The following R3HDM4 variants were observed in gnomAD, a reference collection of about 807,000 sequenced individuals.
R3HDM4 encodes the protein R3H domain-containing protein 4.
R3HDM4 carries 30 observed loss-of-function variants against 31.3 expected under a neutral mutation model. The ratio of observed to expected loss-of-function variants is 0.96; its 90% confidence interval spans 0.72 to 1.30. The LOEUF (loss-of-function observed/expected upper bound fraction) is 1.30, where lower values mean the gene tolerates loss of function less well. R3HDM4 is among the 50% of genes most tolerant of loss of function. The pLI, the probability that R3HDM4 is intolerant of heterozygous loss-of-function variation, is 0.00. For missense variants in R3HDM4, 444 were observed against 366.1 expected (o/e 1.21, Z -1.74); for synonymous variants, 196 against 156.6 (o/e 1.25, Z -1.88).
chr19:905,114 A>G (rs1180698890), intron 1 of R3HDM4, among the ~76,000 whole-genome samples: 1 of 151,950 alleles, frequency 6.6e-6, no homozygotes, highest in Non-Finnish European at 1.5e-5. Flanking sequence ...AGGCTGAGGC[A>G]GGAGAATTGC....
intron 1 of R3HDM4, among the ~76,000 whole-genome samples, chr19:908,468 G>A (rs112212297): frequency 0.064 from 9,662 of 151,716 alleles, 479 homozygotes; most frequent in African/African-American, 0.13. Context: ...AAATTATCTG[G>A]GCATAGTGGT....
chr19:912,779 G>T (rs1444934280), intron 1 of R3HDM4, among the ~76,000 whole-genome samples: 1 of 147,198 alleles, frequency 6.8e-6, no homozygotes, highest in African/African-American at 2.5e-5. Flanking sequence ...GGACCGGGGA[G>T]TAGGGGGCGG....
chr19:907,033 T>A lies in R3HDM4; in HGVS notation c.72-4903A>T, dbSNP rs371725820. ...GTTTCACCATGTTGGCAGGCTGGTCTTGAACTCCTGACCTTAAGTGATCCG... is the reference window on the plus strand; with the variant it reads ...GTTTCACCATGTTGGCAGGCTGGTCATGAACTCCTGACCTTAAGTGATCCG... On this transcript the variant is annotated intron_variant, in intron 1 of 7. Transcript: ENST00000361574. This position sits in a 1 kb window ranked among gnomAD's most constrained non-coding sequence, Gnocchi z 4.1. Among the ~76,000 whole-genome samples the A allele has an allele frequency of 6.6e-5, 10 of 152,186 alleles. No individual in the cohort carries two copies. In the East Asian group the frequency reaches 1.7e-3, roughly 27 times the overall value.
chr19:901,097 C>T (rs1417666323), intron 3 of R3HDM4, 145 bp from the exon 4 acceptor site: 4 of 1,104,694 alleles, frequency 3.6e-6, no homozygotes, highest in East Asian at 5.3e-5. Flanking sequence ...CTGCTTGTGT[C>T]GGGCCCTGAG....
chr19:910,876 T>G (rs1418910960), intron 1 of R3HDM4, among the ~76,000 whole-genome samples: 1 of 152,106 alleles, frequency 6.6e-6, no homozygotes, highest in African/African-American at 2.4e-5. Context: ...TCCCAGCACT[T>G]TGGGAGGCCA....
In R3HDM4 at chr19:896,998, G is replaced by A. The variant is rs537992907; in HGVS notation, c.*439C>T. On this transcript the variant is annotated 3_prime_UTR_variant, in exon 8 of 8. Coordinates refer to ENST00000361574, the MANE Select transcript of R3HDM4 (RefSeq NM_138774.4). The surrounding 1 kb of genome is among the most constrained non-coding windows in gnomAD (Gnocchi z 4.0). The stretch of plus-strand genomic sequence containing the variant: ...CTGGGAGGGGCTGAGCAGGGGCTGG[G>A]ACCAAGACCCATGTTTTACCAGTGG... 8 of 161,596 alleles carry A rather than the reference G, an allele frequency of 5.0e-5. No individual in the cohort carries two copies. Among genetic ancestry groups the A allele is most frequent in the African/African-American group, 1.7e-4 (7 of 41,698 alleles). 10.0% of individuals were successfully genotyped at this position (161,596 alleles called of 1,614,324 possible). A position where few individuals can be genotyped will look rare whatever the true frequency, so the allele number is the denominator to read the frequency against.
At position 900,111 on chromosome 19, in the gene R3HDM4, G is replaced by A. The variant is rs781175964; in HGVS notation, c.511C>T (p.Arg171Cys). ...PAYTPRECFQ[R>C]ISRRLRAVLK... Reference sequence around the variant, plus strand: ...ACGGCTCGCAGACGCCGGCTGATGCGCTGGAAGCACTCGCGGGGTGTATAG... The same window carrying A: ...ACGGCTCGCAGACGCCGGCTGATGCACTGGAAGCACTCGCGGGGTGTATAG... The change falls in exon 5 of 8, where the codon CGC (arginine) becomes TGC (cysteine). Residue 171 changes from arginine (R) to cysteine (C), a missense_variant. Physicochemically the swap from Arg to Cys is radical, Grantham distance 180. Transcript: ENST00000361574. 17 of 1,606,008 alleles carry A rather than the reference G, an allele frequency of 1.1e-5. No homozygotes were observed. Among genetic ancestry groups the A allele is most frequent in the East Asian group, 2.2e-5 (1 of 44,712 alleles).
chr19:902,147 G>A lies in R3HDM4; in HGVS notation c.72-17C>T, dbSNP rs752900667. On this transcript the variant is annotated splice_polypyrimidine_tract_variant and intron_variant, in intron 1 of 7. Coordinates refer to ENST00000361574, the MANE Select transcript of R3HDM4 (RefSeq NM_138774.4). ...GGAAGGGGCCTGTGGGCCGGGGCAG[G>A]GGTGGTCCTCAGGGTCAAGGCCGGC... The A allele has an allele frequency of 2.5e-5, 41 of 1,610,938 alleles. No individual in the cohort carries two copies. Among genetic ancestry groups the A allele is most frequent in the Admixed American group, 8.3e-5 (5 of 59,996 alleles).
In R3HDM4 at chr19:899,932, G is replaced by A. The variant is rs2036803262; in HGVS notation, c.561+129C>T. ...CCGCCCTCCTACTCAGGGCCCTGGT[G>A]CCGCTGTCTGTATCCTGCCCTGTTT... On this transcript the variant is annotated intron_variant, in intron 5 of 7. Coordinates refer to ENST00000361574, the MANE Select transcript of R3HDM4 (RefSeq NM_138774.4). The surrounding 1 kb of genome is among the most constrained non-coding windows in gnomAD (Gnocchi z 6.8). The A allele has an allele frequency of 6.9e-6, 7 of 1,007,622 alleles. No homozygotes were observed. Among genetic ancestry groups the A allele is most frequent in the South Asian group, 5.8e-5 (4 of 68,384 alleles). The allele number at this position is 1,007,622 out of a possible 1,614,324, so 62.4% of individuals were successfully genotyped here.
intron 1 of R3HDM4, among the ~76,000 whole-genome samples, chr19:908,712 A>G (rs1466619287): frequency 6.6e-6 from 1 of 152,050 alleles, no homozygotes; most frequent in Non-Finnish European, 1.5e-5. Context: ...TGCCTGATGC[A>G]CCTGCTCATT....
At position 897,054 on chromosome 19, in the gene R3HDM4, G is replaced by C. The variant is rs1358134613; in HGVS notation, c.*383C>G. 5.7e-6 allele frequency: 1 copy of C among 175,400 alleles called. No individual in the cohort carries two copies. The highest frequency in any genetic ancestry group is 1.2e-5 in the Non-Finnish European group (1 of 84,098). The allele number at this position is 175,400 out of a possible 1,614,324, so 10.9% of individuals were successfully genotyped here. On this transcript the variant is annotated 3_prime_UTR_variant, in exon 8 of 8. Transcript: ENST00000361574. ...GTTTTTTTGGTTTTTCTCTCCAAAA[G>C]GGAAATTTAAAAATCTACAACAAAT...
rs1242967247 is a variant in R3HDM4, at chr19:913,046, C to G, written c.71+41G>C. On this transcript the variant is annotated intron_variant, in intron 1 of 7. Transcript: ENST00000361574. This position sits in a 1 kb window ranked among gnomAD's most constrained non-coding sequence, Gnocchi z 5.0. The stretch of plus-strand genomic sequence containing the variant: ...AGGATCTCAGGGGAGGGAGCCCAGC[C>G]CGCCCCCGGCGCCCGCCGCGCCCCG... 1 of 831,406 alleles carries G rather than the reference C, an allele frequency of 1.2e-6. No individual in the cohort carries two copies. The highest frequency in any genetic ancestry group is 1.8e-5 in the African/African-American group (1 of 54,072). 51.5% of individuals were successfully genotyped at this position (831,406 alleles called of 1,614,324 possible).
chr19:902,569 A>G (rs879771229), intron 1 of R3HDM4: 6 of 166,882 alleles, frequency 3.6e-5, no homozygotes, highest in Non-Finnish European at 8.0e-5. Context: ...ACTTAAGTCC[A>G]GGAGGTCGAG....
Position 899,450 on chromosome 19 carries a change from G to A in R3HDM4, c.693C>T (p.Leu231=), listed in dbSNP as rs966062652. Residue 231 remains leucine (L), a synonymous_variant, in exon 7 of 8, where the codon CTC becomes CTT. Coordinates refer to ENST00000361574, the MANE Select transcript of R3HDM4 (RefSeq NM_138774.4). The surrounding 1 kb of genome is among the most constrained non-coding windows in gnomAD (Gnocchi z 6.8). ...GCCACCGGCACTTACTGGCCGAGAT[G>A]AGGTCCATGTACTGGCAGACAGCGT... ...LLHAVCQYMD[L]ISASADLEGK... 19 of 1,613,664 alleles carry A rather than the reference G, an allele frequency of 1.2e-5. No individual in the cohort carries two copies. The highest frequency in any genetic ancestry group is 1.6e-5 in the Non-Finnish European group (19 of 1,179,936).
rs558250783 is a variant in R3HDM4 at position 896,530 on chromosome 19, C to G, written c.*907G>C. Reference sequence around the variant, plus strand: ...CAGAGCACCAGAAATTTATTAAATTCCCCACTTTCCCCCAAAACACAATTA... The same window carrying G: ...CAGAGCACCAGAAATTTATTAAATTGCCCACTTTCCCCCAAAACACAATTA... On this transcript the variant is annotated 3_prime_UTR_variant, in exon 8 of 8. Transcript: ENST00000361574. The surrounding 1 kb of genome is among the most constrained non-coding windows in gnomAD (Gnocchi z 4.0). 6.6e-6 allele frequency: 1 copy of G among 152,634 alleles called. No individual in the cohort carries two copies. The highest frequency in any genetic ancestry group is 1.5e-5 in the Non-Finnish European group (1 of 68,096). 9.5% of individuals were successfully genotyped at this position (152,634 alleles called of 1,614,324 possible).
chr19:904,138 C>T (rs1448070407), intron 1 of R3HDM4, among the ~76,000 whole-genome samples: 1 of 152,196 alleles, frequency 6.6e-6, no homozygotes, highest in East Asian at 1.9e-4. Flanking sequence ...CCTCCAGGGT[C>T]TGGGGGTACC....
chr19:908,820 A>C (rs1483744194), intron 1 of R3HDM4, among the ~76,000 whole-genome samples: 14 of 147,780 alleles, frequency 9.5e-5, no homozygotes, highest in Non-Finnish European at 1.5e-5. Context: ...AACCGGCCCC[A>C]GCCGGCCCGT....
At chr19:901,086 G>C in intron 3 of R3HDM4, 134 bp from the exon 4 acceptor site, 1 of 1,177,144 alleles carries the variant, frequency 8.5e-7, no homozygotes, top group Non-Finnish European at 1.2e-6. Flanking sequence ...CTGAGGGGCC[G>C]CTGCTTGTGT....
chr19:909,620 A>ACC (rs1201934030), intron 1 of R3HDM4, among the ~76,000 whole-genome samples: 1 of 151,448 alleles, frequency 6.6e-6, no homozygotes, highest in African/African-American at 2.4e-5. Context: ...ACATAGTGAA[A>ACC]CCCCGTCTCT....
Sources: allele counts gnomAD v4.1 joint callset (sites outside exome capture counted in the v4.1 genomes callset), GRCh38; gene constraint gnomAD v4.1.1; non-coding constraint Gnocchi (gnomAD v3.1); transcripts MANE v1.5; gene names NCBI Gene and HGNC (gene_info 2026-07-23, HGNC 2026-07-21).